Variants in ZNF439 observed in about 807,000 individuals in gnomAD.
ZNF439 encodes zinc finger protein 439.
Under a neutral mutation model 47.3 loss-of-function variants are expected in ZNF439, and 40 were observed. The ratio of observed to expected loss-of-function variants is 0.85; its 90% confidence interval spans 0.66 to 1.10. ZNF439 has a LOEUF of 1.10. Ranked by LOEUF, ZNF439 falls within the 50% of genes least tolerant of loss-of-function variation. The pLI, the probability that ZNF439 is intolerant of heterozygous loss-of-function variation, is 0.00. For synonymous variants in ZNF439, 171 were observed against 198.8 expected (o/e 0.86, Z 1.18); for missense variants, 556 against 601.1 (o/e 0.93, Z 0.78).
intron 1 of ZNF439, chr19:11,856,001 C>T (rs1976375590): frequency 6.6e-6 from 1 of 152,258 alleles, no homozygotes; most frequent in Non-Finnish European, 1.5e-5. Flanking sequence ...CTTGAGGGCA[C>T]TCACATGGTG....
At chr19:11,857,268 T>C (rs1009128281) in intron 1 of ZNF439, 1 of 152,230 alleles carries the variant, frequency 6.6e-6, no homozygotes, top group African/African-American at 2.4e-5. Context: ...CCACAAAATC[T>C]GCAAGAGCAA....
chr19:11,849,731 G>C (rs1400326558), intron 1 of ZNF439: 1 of 151,946 alleles, frequency 6.6e-6, no homozygotes, highest in African/African-American at 2.4e-5. Flanking sequence ...AAGGAAGGGG[G>C]TCTGTTATCT....
chr19:11,868,722 G>C lies in ZNF439; in HGVS notation c.*153G>C. The C allele has an allele frequency of 1.2e-6, 1 of 860,048 alleles. No homozygotes were observed. The highest frequency in any genetic ancestry group is 1.9e-6 in the Non-Finnish European group (1 of 535,740). 53.3% of individuals were successfully genotyped at this position (860,048 alleles called of 1,614,324 possible). On this transcript the variant is annotated 3_prime_UTR_variant, in exon 4 of 4. Coordinates refer to ENST00000682736, the MANE Select transcript of ZNF439 (RefSeq NM_001348719.2). ...GATATCTAAAAGGACTCACAGTGGA[G>C]AAAAACTCTATGAGTGTAAGCAATG...
At position 11,868,429 on chromosome 19, in the gene ZNF439, C is replaced by G. The variant is rs201514573; in HGVS notation, c.1375C>G (p.Arg459Gly). The change falls in exon 4 of 4, where the codon CGA (arginine) becomes GGA (glycine). Residue 459 changes from arginine to glycine, a missense_variant. Coordinates refer to ENST00000682736, the MANE Select transcript of ZNF439 (RefSeq NM_001348719.2). ...AGCTTTCAGATCTGCCTCACAACTT[C>G]GAATCCATCGTAGGATTCACACTGG... is the stretch of plus-strand genomic sequence containing the variant. ...GKAFRSASQL[R>G]IHRRIHTGEK... 3.1e-6 allele frequency: 5 copies of G among 1,613,632 alleles called. No individual in the cohort carries two copies. In the East Asian group the frequency reaches 1.1e-4, roughly 36 times the overall value.
intron 1 of ZNF439, among the ~76,000 whole-genome samples, chr19:11,865,294 T>G (rs1976643886): frequency 6.6e-6 from 1 of 152,002 alleles, no homozygotes; most frequent in Admixed American, 6.6e-5. Flanking sequence ...ACGGTCTTGT[T>G]TTTTTCAGTA....
At chr19:11,862,417 A>AT (rs111255335) in intron 1 of ZNF439, among the ~76,000 whole-genome samples, 3,435 of 143,420 alleles carry the variant, frequency 0.024, 110 homozygotes, top group African/African-American at 0.082. Flanking sequence ...GAACTCCTCT[A>AT]TTTTTTTTTT....
At chr19:11,864,180 C>T (rs962985983) in intron 1 of ZNF439, among the ~76,000 whole-genome samples, 5 of 151,960 alleles carry the variant, frequency 3.3e-5, no homozygotes, top group African/African-American at 1.2e-4. Flanking sequence ...TTGGTAATGA[C>T]CTTGAGCAGT....
intron 1 of ZNF439, among the ~76,000 whole-genome samples, chr19:11,852,501 G>T (rs550990547): frequency 5.9e-5 from 9 of 152,168 alleles, no homozygotes; most frequent in South Asian, 4.2e-4. Flanking sequence ...TGAATTACTT[G>T]GTTGTTTTTG....
intron 1 of ZNF439, 179 bp from the exon 2 acceptor site, chr19:11,866,026 A>T: frequency 7.0e-7 from 1 of 1,423,926 alleles, no homozygotes; most frequent in Non-Finnish European, 9.0e-7. Flanking sequence ...AAAAAAATAA[A>T]AAAAAAAATT....
At chr19:11,854,246 A>G (rs1443893263) in intron 1 of ZNF439, among the ~76,000 whole-genome samples, 1 of 152,202 alleles carries the variant, frequency 6.6e-6, no homozygotes, top group Non-Finnish European at 1.5e-5. Context: ...TTTGAATAGA[A>G]CTATGCAAAG....
At chr19:11,863,701 C>T (rs1010714165) in intron 1 of ZNF439, among the ~76,000 whole-genome samples, 1 of 152,134 alleles carries the variant, frequency 6.6e-6, no homozygotes, top group Non-Finnish European at 1.5e-5. Flanking sequence ...AACCTGATTG[C>T]CAAATCCAAG....
intron 1 of ZNF439, among the ~76,000 whole-genome samples, chr19:11,864,149 A>G (rs1976611323): frequency 6.6e-6 from 1 of 152,220 alleles, no homozygotes; most frequent in South Asian, 2.1e-4. Context: ...TTTGAATTGC[A>G]GACGTGTGAA....
At chr19:11,849,421 A>ACTTCT in intron 1 of ZNF439, 2 of 530,150 alleles carry the variant, frequency 3.8e-6, no homozygotes, top group Non-Finnish European at 4.9e-6. Context: ...TGTAAAATAC[A>ACTTCT]GAAGTGTATT....
At chr19:11,849,556 A>C (rs1395692540) in intron 1 of ZNF439, 1 of 154,260 alleles carries the variant, frequency 6.5e-6, no homozygotes, top group Non-Finnish European at 1.4e-5. Flanking sequence ...AATTGCAGGG[A>C]AAATGATGGA....
At chr19:11,850,408 A>C (rs1976203796) in intron 1 of ZNF439, 1 of 152,086 alleles carries the variant, frequency 6.6e-6, no homozygotes, top group Non-Finnish European at 1.5e-5. Flanking sequence ...TTACATGTTT[A>C]AGGCTAGGCT....
intron 1 of ZNF439, among the ~76,000 whole-genome samples, chr19:11,863,651 T>A (rs1357653654): frequency 1.3e-5 from 2 of 152,186 alleles, no homozygotes; most frequent in African/African-American, 4.8e-5. Context: ...AATTTATCGA[T>A]TTTCTCACTC....
At chr19:11,858,488 G>C (rs2145167668) in intron 1 of ZNF439, among the ~76,000 whole-genome samples, 1 of 147,400 alleles carries the variant, frequency 6.8e-6, no homozygotes, top group South Asian at 2.1e-4. Context: ...AAAAAAGGGG[G>C]TCTATTGCTA....
intron 1 of ZNF439, chr19:11,849,452 C>G (rs565686707): frequency 2.9e-6 from 1 of 341,052 alleles, no homozygotes; most frequent in South Asian, 1.2e-4. Context: ...TAGGAGAGAC[C>G]TTGGCCGAGG....
rs376115000 is a variant in ZNF439, at chr19:11,868,001, G to A, written c.947G>A (p.Arg316His). The change falls in exon 4 of 4, where the codon CGT becomes CAT. Residue 316 changes from arginine to histidine, a missense_variant. Coordinates refer to ENST00000682736, the MANE Select transcript of ZNF439 (RefSeq NM_001348719.2). ...TGTGGAAAAGCATTCATGTGTCCCCGTTATGTTCGTAGACATGAAAGGACC... is the reference window on the plus strand; with the variant it reads ...TGTGGAAAAGCATTCATGTGTCCCCATTATGTTCGTAGACATGAAAGGACC... ...KECGKAFMCP[R>H]YVRRHERTHS... 40 of 1,614,018 alleles carry A rather than the reference G, an allele frequency of 2.5e-5. No individual in the cohort carries two copies. Among genetic ancestry groups the A allele is most frequent in the East Asian group, 1.3e-4 (6 of 44,874 alleles).
Sources: allele counts gnomAD v4.1 joint callset (sites outside exome capture counted in the v4.1 genomes callset), GRCh38; gene constraint gnomAD v4.1.1; transcripts MANE v1.5; gene names NCBI Gene and HGNC (gene_info 2026-07-23, HGNC 2026-07-21).